The following MAPKAP1 variants were observed in gnomAD, a reference collection of about 807,000 sequenced individuals.
The protein encoded by MAPKAP1 is MAPK associated protein 1.
Under a neutral mutation model 65.7 loss-of-function variants are expected in MAPKAP1, and 20 were observed. The observed-to-expected ratio is 0.30, with a 90% confidence interval of 0.21 to 0.44. The LOEUF (loss-of-function observed/expected upper bound fraction) is 0.44, where lower values mean the gene tolerates loss of function less well. Ranked by LOEUF, MAPKAP1 falls within the 20% of genes least tolerant of loss-of-function variation. The pLI, the probability that MAPKAP1 is intolerant of heterozygous loss-of-function variation, is 1.00. For synonymous variants in MAPKAP1, 222 were observed against 244.3 expected (o/e 0.91, Z 0.85); for missense variants, 423 against 648.0 (o/e 0.65, Z 3.77).
intron 4 of MAPKAP1, among the ~76,000 whole-genome samples, chr9:125,634,340 C>A (rs1432074047): frequency 1.3e-5 from 2 of 152,126 alleles, no homozygotes; most frequent in African/African-American, 4.8e-5. Context: ...ATACAAAGTT[C>A]TCTTATTTAA....
At chr9:125,564,050 G>A (rs1830976241) in intron 5 of MAPKAP1, among the ~76,000 whole-genome samples, 1 of 152,208 alleles carries the variant, frequency 6.6e-6, no homozygotes, top group African/African-American at 2.4e-5. Flanking sequence ...TTAATGAGAA[G>A]AGGGAAAGTA....
chr9:125,645,958 A>T (rs1262347757), intron 4 of MAPKAP1, among the ~76,000 whole-genome samples: 1 of 152,106 alleles, frequency 6.6e-6, no homozygotes, highest in Non-Finnish European at 1.5e-5. Context: ...AATTTTTAAA[A>T]ATTTTTTGAG....
chr9:125,694,658 T>G (rs2131860055), intron 1 of MAPKAP1, among the ~76,000 whole-genome samples: 1 of 152,260 alleles, frequency 6.6e-6, no homozygotes, highest in East Asian at 1.9e-4. Flanking sequence ...TTACTCCAAA[T>G]AGCTCACCAA....
chr9:125,473,123 A>C (rs1022878768), intron 9 of MAPKAP1, among the ~76,000 whole-genome samples: 3 of 148,898 alleles, frequency 2.0e-5, no homozygotes, highest in Admixed American at 6.7e-5. Flanking sequence ...CAGAACTTCT[A>C]GCAGTTCTAG....
At chr9:125,536,151 G>C (rs1830067431) in intron 7 of MAPKAP1, among the ~76,000 whole-genome samples, 1 of 152,122 alleles carries the variant, frequency 6.6e-6, no homozygotes, top group Non-Finnish European at 1.5e-5. Flanking sequence ...ATTTTTGCTT[G>C]ACATAAATTC....
At chr9:125,578,266 C>T (rs1831509704) in intron 5 of MAPKAP1, among the ~76,000 whole-genome samples, 1 of 152,060 alleles carries the variant, frequency 6.6e-6, no homozygotes, top group African/African-American at 2.4e-5. Flanking sequence ...ACTCCCTAAT[C>T]TCAAGTACCC....
chr9:125,688,392 C>T (rs775311908), intron 1 of MAPKAP1, among the ~76,000 whole-genome samples: 51 of 152,128 alleles, frequency 3.4e-4, no homozygotes, highest in Non-Finnish European at 5.4e-4. Flanking sequence ...CCGGCCTCGG[C>T]CTCCCAAAGT....
intron 7 of MAPKAP1, among the ~76,000 whole-genome samples, chr9:125,517,223 T>C (rs553338924): frequency 2.0e-5 from 3 of 152,298 alleles, no homozygotes; most frequent in South Asian, 4.1e-4. Flanking sequence ...TTGTAAGGTT[T>C]AGATGATTTA....
At chr9:125,577,953 A>G (rs868518792) in intron 5 of MAPKAP1, among the ~76,000 whole-genome samples, 5 of 151,898 alleles carry the variant, frequency 3.3e-5, no homozygotes, top group East Asian at 2.0e-4. Flanking sequence ...CATTGAGAAC[A>G]GGCCATGATG....
chr9:125,703,949 T>A (rs1356330932), intron 1 of MAPKAP1, among the ~76,000 whole-genome samples: 3 of 152,156 alleles, frequency 2.0e-5, no homozygotes, highest in Non-Finnish European at 4.4e-5. Flanking sequence ...TCTTCAGGTA[T>A]AAGTCAATAA....
At position 125,517,632 on chromosome 9, in the gene MAPKAP1, A is replaced by G. The variant is rs1389066728; in HGVS notation, c.959-11215T>C. Among the ~76,000 whole-genome samples, 5 of 152,330 alleles carry G rather than the reference A, an allele frequency of 3.3e-5. No individual in the cohort carries two copies. The East Asian group carries it at 5.8e-4, about 18-fold the overall frequency. On this transcript the variant is annotated intron_variant, in intron 7 of 11. Transcript: ENST00000265960. ...CCATCAATCAGAAAGTGCCAAGAGGAGGAAAGGAAAGGGCGTACCGCTGAA... is the reference window on the plus strand; with the variant it reads ...CCATCAATCAGAAAGTGCCAAGAGGGGGAAAGGAAAGGGCGTACCGCTGAA...
At chr9:125,621,675 G>C (rs1042972344) in intron 4 of MAPKAP1, among the ~76,000 whole-genome samples, 3 of 152,170 alleles carry the variant, frequency 2.0e-5, no homozygotes, top group African/African-American at 7.2e-5. Context: ...TAGATTAACA[G>C]CCTCTACCTA....
At chr9:125,689,453 A>C (rs1041807152) in intron 1 of MAPKAP1, among the ~76,000 whole-genome samples, 2 of 143,854 alleles carry the variant, frequency 1.4e-5, no homozygotes, top group African/African-American at 2.6e-5. Flanking sequence ...AAAAAAAAAA[A>C]AAAAAAAAAC....
intron 4 of MAPKAP1, among the ~76,000 whole-genome samples, chr9:125,639,351 A>C (rs1833512970): frequency 6.6e-6 from 1 of 152,194 alleles, no homozygotes; most frequent in African/African-American, 2.4e-5. Flanking sequence ...CAAGCTGTTT[A>C]ACTTCCCCAT....
At chr9:125,501,036 A>G (rs80241728) in intron 8 of MAPKAP1, among the ~76,000 whole-genome samples, 206 of 152,296 alleles carry the variant, frequency 1.4e-3, no homozygotes, top group African/African-American at 4.8e-3. Context: ...TATGGTATGA[A>G]ATTTCAAATG....
At chr9:125,664,287 C>T (rs1216458539) in intron 3 of MAPKAP1, among the ~76,000 whole-genome samples, 1 of 151,138 alleles carries the variant, frequency 6.6e-6, no homozygotes, top group East Asian at 2.0e-4. Context: ...GCAAAGGTTG[C>T]AGTGAGCCGA....
chr9:125,513,345 C>CAG (rs10663901), intron 7 of MAPKAP1: 77,305 of 151,976 alleles, frequency 0.51, 20,346 homozygotes, highest in African/African-American at 0.66. Context: ...GGAAAAATGA[C>CAG]AGTCAAAAGC....
chr9:125,551,815 G>A (rs1052631673), intron 6 of MAPKAP1, among the ~76,000 whole-genome samples: 6 of 152,142 alleles, frequency 3.9e-5, no homozygotes, highest in African/African-American at 1.4e-4. Context: ...AATTAGGTCT[G>A]TGTTGGGAAT....
chr9:125,524,646 A>T (rs879448030), intron 7 of MAPKAP1, among the ~76,000 whole-genome samples: 2 of 152,218 alleles, frequency 1.3e-5, no homozygotes, highest in African/African-American at 2.4e-5. Flanking sequence ...TTCCTTTCTC[A>T]GAGTTTTCTT....
Sources: allele counts gnomAD v4.1 joint callset (sites outside exome capture counted in the v4.1 genomes callset), GRCh38; gene constraint gnomAD v4.1.1; transcripts MANE v1.5; gene names NCBI Gene and HGNC (gene_info 2026-07-23, HGNC 2026-07-21).